SIRT1: variants seen among roughly 807,000 people sequenced by gnomAD.
SIRT1 encodes NAD-dependent protein deacetylase sirtuin-1.
SIRT1 carries 24 observed loss-of-function variants against 67.9 expected under a neutral mutation model. The ratio of observed to expected loss-of-function variants is 0.35; its 90% confidence interval spans 0.26 to 0.50. The LOEUF is 0.50. Among genes scored for constraint, SIRT1 ranks in the 20% least tolerant of loss-of-function variants. The pLI is 0.98. For missense variants in SIRT1, 873 were observed against 937.2 expected, an observed-to-expected ratio of 0.93 and a Z score of 0.89; for synonymous variants, 378 against 350.7, an observed-to-expected ratio of 1.08 and a Z score of -0.87.
At chr10:67,909,124 C>T (rs1842862574) in intron 6 of SIRT1, 132 bp from the exon 7 acceptor site, 6 of 604,354 alleles carry the variant, frequency 9.9e-6, no homozygotes, top group Admixed American at 3.5e-5. Flanking sequence ...TGCTGTTTAT[C>T]CATAGCTTTT....
intron 3 of SIRT1, among the ~76,000 whole-genome samples, chr10:67,889,744 G>C (rs182653526): frequency 6.6e-6 from 1 of 152,140 alleles, no homozygotes; most frequent in Non-Finnish European, 1.5e-5. Flanking sequence ...TTCGAGTTGC[G>C]AAAGGGTGTT....
intron 8 of SIRT1, 128 bp downstream of exon 8, chr10:67,913,159 C>T: frequency 1.1e-6 from 1 of 927,352 alleles, no homozygotes; most frequent in Non-Finnish European, 1.6e-6. Flanking sequence ...AGAAACTGTA[C>T]AGTTCGTAAT....
intron 4 of SIRT1, among the ~76,000 whole-genome samples, chr10:67,899,352 CAG>C (rs903864761): frequency 2.4e-4 from 36 of 151,176 alleles, no homozygotes; most frequent in African/African-American, 8.7e-4. Context: ...ATATTTGAGA[CAG>C]GGCCTGTCTC....
intron 4 of SIRT1, chr10:67,906,083 CA>C: frequency 8.4e-7 from 1 of 1,196,622 alleles, no homozygotes; most frequent in Non-Finnish European, 1.1e-6. Flanking sequence ...AAAACACTGT[CA>C]AAAGTTGGGA....
chr10:67,906,299 A>T (rs1773679954), intron 4 of SIRT1: 1 of 1,569,254 alleles, frequency 6.4e-7, no homozygotes, highest in Non-Finnish European at 8.6e-7. Flanking sequence ...TAAGGATTAA[A>T]ACTTTAGCTT....
intron 2 of SIRT1, 143 bp from the exon 3 acceptor site, chr10:67,888,739 G>T: frequency 4.7e-6 from 4 of 848,256 alleles, no homozygotes; most frequent in Non-Finnish European, 7.2e-6. Context: ...AATTCTGAGT[G>T]TACCGAGAAT....
At chr10:67,897,367 C>G (rs890561870) in intron 4 of SIRT1, among the ~76,000 whole-genome samples, 3 of 149,332 alleles carry the variant, frequency 2.0e-5, no homozygotes, top group Non-Finnish European at 4.5e-5. Context: ...GGCTCACTTG[C>G]AACCTCCGCC....
At chr10:67,905,045 T>C (rs1437729288) in intron 4 of SIRT1, among the ~76,000 whole-genome samples, 3 of 152,180 alleles carry the variant, frequency 2.0e-5, no homozygotes, top group Admixed American at 2.0e-4. Context: ...TGGTACTTGC[T>C]CTTTTTCCCT....
intron 8 of SIRT1, 73 bp from the exon 9 acceptor site, chr10:67,916,192 A>G: frequency 7.6e-6 from 10 of 1,311,174 alleles, no homozygotes; most frequent in Non-Finnish European, 9.5e-6. Flanking sequence ...TGGAACCCAC[A>G]CTTCATTCCA....
intron 4 of SIRT1, among the ~76,000 whole-genome samples, chr10:67,902,597 AAG>A (rs942165573): frequency 1.3e-5 from 2 of 152,202 alleles, no homozygotes; most frequent in African/African-American, 4.8e-5. Flanking sequence ...TGTGGAATGA[AAG>A]AGACAGGAGG....
At chr10:67,887,911 G>C (rs1249131574) in intron 2 of SIRT1, among the ~76,000 whole-genome samples, 1 of 152,096 alleles carries the variant, frequency 6.6e-6, no homozygotes, top group Non-Finnish European at 1.5e-5. Context: ...TTCTTCATCC[G>C]GTTAGAATAT....
At chr10:67,885,637 T>A (rs766489330) in intron 1 of SIRT1, among the ~76,000 whole-genome samples, 5 of 152,186 alleles carry the variant, frequency 3.3e-5, no homozygotes, top group Non-Finnish European at 5.9e-5. Context: ...TGGTCTATAT[T>A]TTTATGACTG....
At position 67,903,117 on chromosome 10, in the gene SIRT1, A is replaced by G. The variant is rs7068650; in HGVS notation, c.943-3673A>G. On this transcript the variant is annotated intron_variant, in intron 4 of 8. Transcript: ENST00000212015. ...AAAAAAGGTGGGTGTGAATTTTGTT[A>G]TGTTGTGCGGGCTGGAGTGTAGTGC... 5.9e-3 allele frequency among the ~76,000 whole-genome samples: 898 copies of G among 152,136 alleles called. 13 individuals carry two copies. The highest frequency in any genetic ancestry group is 0.021 in the African/African-American group (863 of 41,502).
At chr10:67,907,084 AAC>A in intron 5 of SIRT1, 147 bp downstream of exon 5, 1 of 695,116 alleles carries the variant, frequency 1.4e-6, no homozygotes, top group Non-Finnish European at 2.2e-6. Context: ...AAAAGTAGAA[AAC>A]AAAAATAATA....
intron 4 of SIRT1, 132 bp from the exon 5 acceptor site, chr10:67,906,658 A>G: frequency 1.1e-6 from 1 of 909,404 alleles, no homozygotes; most frequent in Non-Finnish European, 1.7e-6. Context: ...ATCCATCTAG[A>G]TACTTTAAAA....
At chr10:67,901,354 C>T (rs572724270) in intron 4 of SIRT1, among the ~76,000 whole-genome samples, 5 of 152,084 alleles carry the variant, frequency 3.3e-5, no homozygotes, top group Non-Finnish European at 5.9e-5. Context: ...CAGTCCAGTG[C>T]TGGATTTTCA....
chr10:67,905,454 T>C (rs1010500787), intron 4 of SIRT1, among the ~76,000 whole-genome samples: 1 of 152,258 alleles, frequency 6.6e-6, no homozygotes, highest in African/African-American at 2.4e-5. Flanking sequence ...TTGGATTCTT[T>C]ATACGAGGTT....
intron 4 of SIRT1, among the ~76,000 whole-genome samples, chr10:67,904,556 G>A (rs932451099): frequency 6.6e-6 from 1 of 152,000 alleles, no homozygotes; most frequent in Admixed American, 6.6e-5. Context: ...TATGTAAAAC[G>A]TACGCTTGGC....
At chr10:67,896,029 A>G (rs1159622663) in intron 4 of SIRT1, among the ~76,000 whole-genome samples, 1 of 152,054 alleles carries the variant, frequency 6.6e-6, no homozygotes. Flanking sequence ...TGAGTCTCCC[A>G]CGCCCAGCCC....
Sources: gnomAD v4.1 joint callset for allele counts (sites outside exome capture counted in the v4.1 genomes callset) on GRCh38, gnomAD v4.1.1 for gene constraint, MANE v1.5 for transcripts, NCBI Gene and HGNC (gene_info 2026-07-23, HGNC 2026-07-21) for gene names.